Variants in GTF2IRD2 observed in about 807,000 individuals in gnomAD.
GTF2IRD2 encodes general transcription factor II-I repeat domain-containing protein 2A.
Under a neutral mutation model 49.2 loss-of-function variants are expected in GTF2IRD2, and 8 were observed. The ratio of observed to expected loss-of-function variants is 0.16; its 90% CI spans 0.10 to 0.29. The LOEUF (loss-of-function observed/expected upper bound fraction) is 0.29. Among genes scored for constraint, GTF2IRD2 ranks in the 10% least tolerant of loss-of-function variants. GTF2IRD2 has a pLI of 1.00. For missense variants in GTF2IRD2, 130 were observed against 725.7 expected (o/e 0.18, Z 9.43); for synonymous variants, 47 against 289.7 (o/e 0.16, Z 8.51).
chr7:74,806,045 C>T (rs1465328419), intron 12 of GTF2IRD2, among the ~76,000 whole-genome samples: 1 of 128,266 alleles, frequency 7.8e-6, no homozygotes, highest in African/African-American at 2.8e-5. Flanking sequence ...CAGGCACATG[C>T]CACCATGCCT....
At position 74,797,697 on chromosome 7, in the gene GTF2IRD2, G is replaced by A; in HGVS notation, c.1815C>T (p.Asn605=). The part of the protein sequence containing the change: ...IFSRVEKSLK[N]FCIDWSKLVS... ...CTAATTTCGACCAGTCGATACAGAA[G>A]TTTTTCAGGCTTTTCTCAACACGCG... The change falls in exon 16 of 16, where the codon AAC becomes AAT. Residue 605 remains asparagine (N), a synonymous_variant. Coordinates refer to ENST00000451013, the MANE Select transcript of GTF2IRD2 (RefSeq NM_173537.5). The A allele has an allele frequency of 5.3e-6, 6 of 1,127,586 alleles. No individual in the cohort carries two copies. Among genetic ancestry groups the A allele is most frequent in the Non-Finnish European group, 7.6e-6 (6 of 786,216 alleles). 69.8% of individuals were successfully genotyped at this position (1,127,586 alleles called of 1,614,324 possible).
At chr7:74,831,206 C>G (rs1431047974) in intron 3 of GTF2IRD2, among the ~76,000 whole-genome samples, 1 of 150,704 alleles carries the variant, frequency 6.6e-6, no homozygotes, top group Non-Finnish European at 1.5e-5. Flanking sequence ...TCTCATCTCT[C>G]TCTCTCTCTC....
Position 74,812,485 on chromosome 7 carries a change from A to T in GTF2IRD2, c.748+254T>A, listed in dbSNP as rs1387114231. ...GGAGGCCAAGGCTGGAGGACTACTT[A>T]AGCCCAGGAGTTAGAGAACAGCTTG... On this transcript the variant is annotated intron_variant, in intron 9 of 15. Coordinates refer to ENST00000451013, the MANE Select transcript of GTF2IRD2 (RefSeq NM_173537.5). Among the ~76,000 whole-genome samples, 10 of 77,040 alleles carry T rather than the reference A, an allele frequency of 1.3e-4. 1 individual carries two copies. Among genetic ancestry groups the T allele is most frequent in the African/African-American group, 3.0e-4 (10 of 33,666 alleles). 50.5% of individuals were successfully genotyped at this position (77,040 alleles called of 152,430 possible).
intron 2 of GTF2IRD2, among the ~76,000 whole-genome samples, chr7:74,835,940 A>G (rs1800267415): frequency 8.0e-6 from 1 of 124,974 alleles, no homozygotes; most frequent in Non-Finnish European, 1.5e-5. Flanking sequence ...AGCCGACATC[A>G]TGCCACTGCA....
chr7:74,799,179 G>A (rs1394617627), intron 15 of GTF2IRD2: 1 of 119,510 alleles, frequency 8.4e-6, no homozygotes, highest in Non-Finnish European at 1.7e-5. Context: ...CCAAACAAAA[G>A]ACACCTTTGA....
intron 6 of GTF2IRD2, chr7:74,822,147 C>T (rs1798953852): frequency 3.3e-6 from 1 of 301,582 alleles, no homozygotes; most frequent in South Asian, 2.8e-5. Flanking sequence ...CCCGGGTTCA[C>T]GCCATTCTCC....
chr7:74,815,810 G>GA (rs1304840233), intron 8 of GTF2IRD2, among the ~76,000 whole-genome samples: 5 of 78,144 alleles, frequency 6.4e-5, no homozygotes, highest in Non-Finnish European at 1.4e-4. Context: ...AAGAAAGAAA[G>GA]AAAGAAAGAA....
chr7:74,798,861 G>T (rs1797247163), intron 15 of GTF2IRD2, among the ~76,000 whole-genome samples: 1 of 150,960 alleles, frequency 6.6e-6, no homozygotes, highest in Non-Finnish European at 1.5e-5. Context: ...ATGAAAGAGT[G>T]CCTGGTTTGT....
intron 3 of GTF2IRD2, 132 bp from the exon 4 acceptor site, chr7:74,825,184 A>G: frequency 2.6e-6 from 2 of 781,986 alleles, no homozygotes; most frequent in South Asian, 4.2e-5. Context: ...TTTAAAGAAA[A>G]ACAAGAAAAA....
intron 1 of GTF2IRD2, among the ~76,000 whole-genome samples, chr7:74,836,753 A>G (rs1219871190): frequency 1.3e-5 from 2 of 151,992 alleles, no homozygotes; most frequent in Non-Finnish European, 2.9e-5. Flanking sequence ...TTTTGTAAAG[A>G]CGGGGTTTTG....
chr7:74,799,921 C>CA (rs1160840166), intron 15 of GTF2IRD2, among the ~76,000 whole-genome samples: 325 of 13,920 alleles, frequency 0.023, 17 homozygotes, highest in Middle Eastern at 0.059. Context: ...CCTGTCTCTA[C>CA]AAAAAAAAAA....
At chr7:74,822,195 C>T (rs801011) in intron 6 of GTF2IRD2, 212,694 of 337,398 alleles carry the variant, frequency 0.63, 76,511 homozygotes, top group East Asian at 0.91. Context: ...TACACGCGCC[C>T]GCCACCACGC....
chr7:74,807,348 G>A (rs1332562534), intron 11 of GTF2IRD2, among the ~76,000 whole-genome samples: 3 of 90,238 alleles, frequency 3.3e-5, no homozygotes, highest in African/African-American at 1.1e-4. Flanking sequence ...TGCGATCTCG[G>A]CTCACTGCAA....
At chr7:74,842,468 T>C (rs1800928573) in intron 1 of GTF2IRD2, among the ~76,000 whole-genome samples, 1 of 143,242 alleles carries the variant, frequency 7.0e-6, no homozygotes, top group South Asian at 2.3e-4. Flanking sequence ...TGACCTCAGG[T>C]GATCCACCCT....
chr7:74,824,140 C>T (rs1227771329), intron 4 of GTF2IRD2, among the ~76,000 whole-genome samples: 141 of 130,106 alleles, frequency 1.1e-3, no homozygotes, highest in South Asian at 1.4e-3. Flanking sequence ...CACTCCAGCC[C>T]GGGCAACAGA....
chr7:74,822,207 C>T lies in GTF2IRD2; in HGVS notation c.571+220G>A, dbSNP rs1455120758. On this transcript the variant is annotated intron_variant, in intron 6 of 15. Coordinates refer to ENST00000451013, the MANE Select transcript of GTF2IRD2 (RefSeq NM_173537.5). ...GACTACACGCGCCCGCCACCACGCCCGGCTAATTTTTTTTCGTATTTTTAG... is the reference window on the plus strand; with the variant it reads ...GACTACACGCGCCCGCCACCACGCCTGGCTAATTTTTTTTCGTATTTTTAG... 21 of 415,108 alleles carry T rather than the reference C, an allele frequency of 5.1e-5. 1 individual carries two copies. Among genetic ancestry groups the T allele is most frequent in the Middle Eastern group, 8.0e-4 (1 of 1,256 alleles). 25.7% of individuals were successfully genotyped at this position (415,108 alleles called of 1,614,324 possible).
intron 4 of GTF2IRD2, among the ~76,000 whole-genome samples, chr7:74,824,209 C>T (rs1799175213): frequency 7.8e-6 from 1 of 127,426 alleles, no homozygotes; most frequent in Non-Finnish European, 1.6e-5. Flanking sequence ...CGGCTCACAC[C>T]TGTAATCTCA....
intron 2 of GTF2IRD2, among the ~76,000 whole-genome samples, chr7:74,834,667 C>T (rs1233393382): frequency 9.0e-6 from 1 of 110,812 alleles, no homozygotes; most frequent in African/African-American, 5.8e-5. Context: ...GCCACCCTGC[C>T]TACCCCTAAT....
chr7:74,822,183 A>G (rs1359307198), intron 6 of GTF2IRD2: 7 of 363,818 alleles, frequency 1.9e-5, no homozygotes, highest in Non-Finnish European at 3.1e-5. Context: ...AGTAGCTGGG[A>G]CTACACGCGC....
Sources: allele counts gnomAD v4.1 joint callset (sites outside exome capture counted in the v4.1 genomes callset), GRCh38; gene constraint gnomAD v4.1.1; transcripts MANE v1.5; gene names NCBI Gene and HGNC (gene_info 2026-07-23, HGNC 2026-07-21).